The following IL1RAPL2 variants were observed in gnomAD, a reference collection of about 807,000 sequenced individuals.
IL1RAPL2 encodes X-linked interleukin-1 receptor accessory protein-like 2.
IL1RAPL2 carries 3 observed loss-of-function variants against 44.1 expected under a neutral mutation model. The ratio of observed to expected loss-of-function variants is 0.07; its 90% CI spans 0.03 to 0.18. IL1RAPL2 has a LOEUF of 0.18. IL1RAPL2 is among the 10% of genes least tolerant of loss of function. IL1RAPL2 has a pLI of 1.00. For missense variants in IL1RAPL2, 391 were observed against 496.4 expected (o/e 0.79, Z 2.02); for synonymous variants, 181 against 178.8 (o/e 1.01, Z -0.10).
At chrX:105,763,668 AAG>A (rs1214390550) in intron 10 of IL1RAPL2, among the ~76,000 whole-genome samples, 3 of 110,334 alleles carry the variant, frequency 2.7e-5, no homozygotes, top group African/African-American at 9.9e-5. Context: ...GGGGGAGAAA[AAG>A]AGAGAAAAAC....
At chrX:104,639,914 T>C (rs1334936146) in intron 1 of IL1RAPL2, among the ~76,000 whole-genome samples, 1 of 111,856 alleles carries the variant, frequency 8.9e-6, no homozygotes, top group Non-Finnish European at 1.9e-5. Context: ...TTTTTAGAAT[T>C]CTCCCCTTTT....
At chrX:104,906,617 T>A (rs1403337517) in intron 2 of IL1RAPL2, among the ~76,000 whole-genome samples, 4 of 112,152 alleles carry the variant, frequency 3.6e-5, no homozygotes, top group African/African-American at 1.3e-4. Flanking sequence ...TTTACTGATT[T>A]GCATATACTG....
At chrX:105,604,431 A>T (rs920261696) in intron 6 of IL1RAPL2, among the ~76,000 whole-genome samples, 1 of 110,732 alleles carries the variant, frequency 9.0e-6, no homozygotes. Flanking sequence ...CACATACAAC[A>T]TACTAAGATT....
chrX:105,705,447 T>C (rs1446933257), intron 6 of IL1RAPL2, among the ~76,000 whole-genome samples: 2 of 110,989 alleles, frequency 1.8e-5, no homozygotes, highest in Non-Finnish European at 3.8e-5. Context: ...ACTACAGAAG[T>C]AAATACAAGA....
At chrX:104,620,199 T>A (rs1929358865) in intron 1 of IL1RAPL2, among the ~76,000 whole-genome samples, 1 of 110,682 alleles carries the variant, frequency 9.0e-6, no homozygotes, top group African/African-American at 3.3e-5. Context: ...GAGAAGTGCA[T>A]TAAAAGATGT....
Position 104,655,632 on chromosome X carries a change from C to CT in IL1RAPL2, c.-19-3255dup, listed in dbSNP as rs893489267. On this transcript the variant is annotated intron_variant, in intron 1 of 10. Transcript: ENST00000372582. ...ATCAGGGATATTGGTCTAAAATTCT[C>CT]TTTTTTTTGTTGTGTCTCTGCCAGG... Among the ~76,000 whole-genome samples, 254 of 111,075 alleles carry CT rather than the reference C, an allele frequency of 2.3e-3. 1 individual carries two copies. Among genetic ancestry groups the CT allele is most frequent in the African/African-American group, 7.5e-3 (230 of 30,606 alleles).
intron 5 of IL1RAPL2, among the ~76,000 whole-genome samples, chrX:105,409,593 G>A (rs940215755): frequency 2.7e-5 from 3 of 111,300 alleles, no homozygotes; most frequent in African/African-American, 9.8e-5. Flanking sequence ...GGTAGTAAGG[G>A]AAAGCAGAGA....
chrX:104,811,972 A>G (rs1423053190), intron 2 of IL1RAPL2, among the ~76,000 whole-genome samples: 1 of 110,944 alleles, frequency 9.0e-6, no homozygotes, highest in African/African-American at 3.3e-5. Flanking sequence ...CAATTGTACT[A>G]ATAAGAAATG....
chrX:105,238,944 A>G (rs1257960101), intron 4 of IL1RAPL2, among the ~76,000 whole-genome samples: 1 of 111,723 alleles, frequency 9.0e-6, no homozygotes, highest in African/African-American at 3.3e-5. Context: ...AACTTTTGAG[A>G]GAATACAGTA....
At chrX:104,813,638 T>C (rs990223300) in intron 2 of IL1RAPL2, among the ~76,000 whole-genome samples, 5 of 111,467 alleles carry the variant, frequency 4.5e-5, no homozygotes, top group Admixed American at 3.8e-4. Context: ...ACCAACAATG[T>C]GGTCACTTTT....
chrX:104,701,867 A>C (rs138300799), intron 2 of IL1RAPL2, among the ~76,000 whole-genome samples: 1 of 112,083 alleles, frequency 8.9e-6, no homozygotes, highest in African/African-American at 3.2e-5. Flanking sequence ...TTTTATGGTA[A>C]GTATGCAGTG....
chrX:104,792,568 T>C (rs2147608637), intron 2 of IL1RAPL2, among the ~76,000 whole-genome samples: 1 of 111,641 alleles, frequency 9.0e-6, no homozygotes, highest in African/African-American at 3.3e-5. Flanking sequence ...TCAGAGCACT[T>C]TCATAGCCAT....
chrX:105,059,760 A>T (rs1180055726), intron 2 of IL1RAPL2, among the ~76,000 whole-genome samples: 1 of 111,368 alleles, frequency 9.0e-6, no homozygotes, highest in Non-Finnish European at 1.9e-5. Context: ...CAAACTCCTG[A>T]CCTCAAGTGA....
At chrX:104,888,040 C>T (rs1408109052) in intron 2 of IL1RAPL2, among the ~76,000 whole-genome samples, 1 of 111,331 alleles carries the variant, frequency 9.0e-6, no homozygotes, top group Non-Finnish European at 1.9e-5. Flanking sequence ...GAGTTCCTAA[C>T]CTCTAGGAGA....
intron 5 of IL1RAPL2, among the ~76,000 whole-genome samples, chrX:105,299,975 A>G (rs16984695): frequency 0.067 from 7,396 of 111,170 alleles, 599 homozygotes; most frequent in African/African-American, 0.23. Context: ...TAGGGACCAT[A>G]ATCAGGATTT....
At chrX:105,061,167 G>A (rs756999860) in intron 2 of IL1RAPL2, among the ~76,000 whole-genome samples, 10 of 110,961 alleles carry the variant, frequency 9.0e-5, no homozygotes, top group Non-Finnish European at 1.5e-4. Flanking sequence ...TTTTAATGCA[G>A]GAACTTATTA....
At chrX:104,958,704 AT>A (rs1457416175) in intron 2 of IL1RAPL2, among the ~76,000 whole-genome samples, 1 of 107,120 alleles carries the variant, frequency 9.3e-6, no homozygotes, top group African/African-American at 3.4e-5. Flanking sequence ...CTAATGCATT[AT>A]CAAAATTATT....
At chrX:104,936,621 C>G (rs868701048) in intron 2 of IL1RAPL2, among the ~76,000 whole-genome samples, 2 of 88,585 alleles carry the variant, frequency 2.3e-5, no homozygotes, top group East Asian at 3.4e-4. Flanking sequence ...TTACCAGACT[C>G]TTTTTTTTTT....
Position 105,753,271 on chromosome X carries a change from A to G in IL1RAPL2, c.1193-1906A>G, listed in dbSNP as rs191693739. ...AAGTAGCCATTGCAGATGCTCAACA[A>G]ATAATTGTTGAATGAATTAATAAGT... On this transcript the variant is annotated intron_variant, in intron 9 of 10. Transcript: ENST00000372582. Among the ~76,000 whole-genome samples the G allele has an allele frequency of 3.6e-5, 4 of 111,669 alleles. No individual in the cohort carries two copies. In the Admixed American group the frequency reaches 3.8e-4, roughly 11 times the overall value.
Sources: allele counts gnomAD v4.1 joint callset (sites outside exome capture counted in the v4.1 genomes callset), GRCh38; gene constraint gnomAD v4.1.1; transcripts MANE v1.5; gene names NCBI Gene and HGNC (gene_info 2026-07-23, HGNC 2026-07-21).